Variants in CNTN5 observed in about 807,000 individuals in gnomAD.
CNTN5 encodes the protein contactin 5, also known as contactin-5.
CNTN5 carries 77 observed loss-of-function variants against 129.1 expected under a neutral mutation model. The ratio of observed to expected loss-of-function variants is 0.60; its 90% CI spans 0.50 to 0.72. The LOEUF is 0.72. Ranked by LOEUF, CNTN5 falls within the 30% of genes least tolerant of loss-of-function variation. The pLI is 0.00. For missense variants in CNTN5, 1,478 were observed against 1,328.8 expected (o/e 1.11, Z -1.75); for synonymous variants, 509 against 465.6 (o/e 1.09, Z -1.20).
chr11:100,096,729 GC>G (rs1945024546), intron 13 of CNTN5, among the ~76,000 whole-genome samples: 3 of 152,018 alleles, frequency 2.0e-5, no homozygotes, highest in Admixed American at 6.6e-5. Flanking sequence ...AATCTACCTG[GC>G]ATGTCACTTT....
At chr11:99,126,110 A>T (rs1858617447) in intron 1 of CNTN5, among the ~76,000 whole-genome samples, 1 of 152,154 alleles carries the variant, frequency 6.6e-6, no homozygotes, top group Non-Finnish European at 1.5e-5. Context: ...TTCTATAGGG[A>T]TATTAAATCT....
At chr11:99,497,388 G>A (rs1946265434) in intron 2 of CNTN5, among the ~76,000 whole-genome samples, 2 of 115,958 alleles carry the variant, frequency 1.7e-5, no homozygotes, top group Non-Finnish European at 3.9e-5. Flanking sequence ...GTAAGTTCTG[G>A]CTGTTAAGAA....
chr11:99,578,999 AT>A (rs1357717137), intron 3 of CNTN5, among the ~76,000 whole-genome samples: 1 of 151,858 alleles, frequency 6.6e-6, no homozygotes, highest in Non-Finnish European at 1.5e-5. Flanking sequence ...TCTTGAGTTA[AT>A]TTTTGTATAA....
intron 13 of CNTN5, among the ~76,000 whole-genome samples, chr11:100,130,919 T>G (rs753997522): frequency 2.6e-5 from 4 of 152,026 alleles, no homozygotes; most frequent in Non-Finnish European, 4.4e-5. Flanking sequence ...CCATAAAAAT[T>G]TTCAAGGAAA....
At chr11:99,049,760 A>G (rs1229206902) in intron 1 of CNTN5, 2 of 152,122 alleles carry the variant, frequency 1.3e-5, no homozygotes, top group Admixed American at 6.6e-5. Flanking sequence ...GGCTGACTGC[A>G]CTTGACTTAT....
At chr11:99,185,721 G>C (rs1858311500) in intron 1 of CNTN5, among the ~76,000 whole-genome samples, 1 of 151,640 alleles carries the variant, frequency 6.6e-6, no homozygotes, top group Non-Finnish European at 1.5e-5. Context: ...AGTTGGAGCT[G>C]AAAGTGTATA....
At chr11:99,737,264 A>G (rs1943742736) in intron 3 of CNTN5, among the ~76,000 whole-genome samples, 1 of 152,090 alleles carries the variant, frequency 6.6e-6, no homozygotes. Flanking sequence ...CTTACTCTAA[A>G]TAACTTATCA....
intron 1 of CNTN5, among the ~76,000 whole-genome samples, chr11:99,141,932 A>G (rs946004132): frequency 6.6e-6 from 1 of 152,188 alleles, no homozygotes; most frequent in Non-Finnish European, 1.5e-5. Context: ...AGTATTTGCC[A>G]TGTACCTATG....
intron 2 of CNTN5, among the ~76,000 whole-genome samples, chr11:99,476,955 T>G (rs948081750): frequency 1.3e-5 from 2 of 152,032 alleles, no homozygotes; most frequent in Non-Finnish European, 2.9e-5. Context: ...CCTATGCTTG[T>G]GTTTACCTTT....
rs912241822 is a variant in CNTN5 at position 99,669,610 on chromosome 11, T to C, written c.55+113341T>C. ...GATTACACTATTTCCCTGTTTGATA[T>C]ATTTTTCTAGAGCAAACAATTGTGA... On this transcript the variant is annotated intron_variant, in intron 3 of 24. Coordinates refer to ENST00000524871, the MANE Select transcript of CNTN5 (RefSeq NM_014361.4). Among the ~76,000 whole-genome samples the C allele has an allele frequency of 5.3e-5, 8 of 152,238 alleles. No homozygotes were observed. In the South Asian group the frequency reaches 8.3e-4, roughly 16 times the overall value.
chr11:100,340,602 G>A lies in CNTN5; in HGVS notation c.2870G>A (p.Gly957Glu). 6.2e-7 allele frequency: 1 copy of A among 1,613,080 alleles called. No homozygotes were observed. The highest frequency in any genetic ancestry group is 8.5e-7 in the Non-Finnish European group (1 of 1,179,520). ...HFTVRAYNGAGYGPPSSEVSA... is the reference protein window; with the variant it reads ...HFTVRAYNGAEYGPPSSEVSA... ...ACAGTGAGGGCTTACAATGGAGCTG[G>A]ATATGGGCCACCTAGCAGTGAAGTG... is the stretch of plus-strand genomic sequence containing the variant. The change falls in exon 22 of 25, where the codon GGA (glycine) becomes GAA (glutamate). Residue 957 changes from glycine to glutamate, a missense_variant. Gly to Glu is a moderately conservative substitution (Grantham distance 98). Coordinates refer to ENST00000524871, the MANE Select transcript of CNTN5 (RefSeq NM_014361.4).
chr11:99,067,786 A>C (rs915475231), intron 1 of CNTN5, among the ~76,000 whole-genome samples: 3 of 152,130 alleles, frequency 2.0e-5, no homozygotes, highest in Non-Finnish European at 4.4e-5. Flanking sequence ...CTCATTTATT[A>C]ATTTATTAAG....
At chr11:100,231,627 G>GT (rs752965447) in intron 16 of CNTN5, among the ~76,000 whole-genome samples, 10 of 152,048 alleles carry the variant, frequency 6.6e-5, no homozygotes, top group Middle Eastern at 3.2e-3. Context: ...AAATTTTGTG[G>GT]TCCCCTAATA....
intron 2 of CNTN5, among the ~76,000 whole-genome samples, chr11:99,512,596 T>C (rs1302814266): frequency 6.6e-6 from 1 of 152,178 alleles, no homozygotes; most frequent in Admixed American, 6.6e-5. Flanking sequence ...TTCAACATCA[T>C]GTGCTCACTT....
chr11:99,496,591 C>T (rs575513438), intron 2 of CNTN5, among the ~76,000 whole-genome samples: 1 of 152,236 alleles, frequency 6.6e-6, no homozygotes, highest in South Asian at 2.1e-4. Context: ...ACATAATTCC[C>T]AGATAGATAG....
At chr11:100,265,543 T>A (rs550129169) in intron 17 of CNTN5, among the ~76,000 whole-genome samples, 84 of 152,126 alleles carry the variant, frequency 5.5e-4, no homozygotes, top group Non-Finnish European at 4.7e-4. Context: ...TTTAACAATA[T>A]CCATTAGAAA....
At chr11:99,805,649 T>C (rs558871064) in intron 3 of CNTN5, among the ~76,000 whole-genome samples, 1 of 152,288 alleles carries the variant, frequency 6.6e-6, no homozygotes, top group Admixed American at 6.5e-5. Context: ...CAATATGATA[T>C]AATTAAACAT....
intron 6 of CNTN5, among the ~76,000 whole-genome samples, chr11:99,852,655 T>A (rs1947909247): frequency 6.6e-6 from 1 of 152,208 alleles, no homozygotes; most frequent in Admixed American, 6.5e-5. Flanking sequence ...TCTGTCTTTA[T>A]GTGACAGATG....
chr11:100,356,302 A>T lies in CNTN5; in HGVS notation c.*82A>T, dbSNP rs199943942. ...AGTGTAGTGTAAGTGGAGAACCAGG[A>T]TCCTGAGATGAGCTTGAGCTTTAAA... On this transcript the variant is annotated 3_prime_UTR_variant, in exon 25 of 25. Coordinates refer to ENST00000524871, the MANE Select transcript of CNTN5 (RefSeq NM_014361.4). The T allele has an allele frequency of 5.3e-6, 5 of 936,850 alleles. No individual in the cohort carries two copies. The highest frequency in any genetic ancestry group is 8.4e-6 in the Non-Finnish European group (5 of 592,432). 58.0% of individuals were successfully genotyped at this position (936,850 alleles called of 1,614,324 possible). A position where few individuals can be genotyped will look rare whatever the true frequency, so the allele number is the denominator to read the frequency against.
Sources: allele counts gnomAD v4.1 joint callset (sites outside exome capture counted in the v4.1 genomes callset), GRCh38; gene constraint gnomAD v4.1.1; transcripts MANE v1.5; gene names NCBI Gene and HGNC (gene_info 2026-07-23, HGNC 2026-07-21).